Variants in GPR107 observed in about 807,000 individuals in gnomAD.
The protein encoded by GPR107 is G protein-coupled receptor 107.
Under a neutral mutation model 75.5 loss-of-function variants are expected in GPR107, and 31 were observed. The observed-to-expected ratio is 0.41, with a 90% CI of 0.31 to 0.55. The LOEUF (loss-of-function observed/expected upper bound fraction) is 0.55, where lower values mean the gene tolerates loss of function less well. Ranked by LOEUF, GPR107 falls within the 20% of genes least tolerant of loss-of-function variation. The pLI is 0.26. For synonymous variants in GPR107, 267 were observed against 251.3 expected, an observed-to-expected ratio of 1.06 and a Z score of -0.59; for missense variants, 572 against 665.7, an observed-to-expected ratio of 0.86 and a Z score of 1.55.
At chr9:130,062,651 TG>T (rs1564657637) in intron 1 of GPR107, among the ~76,000 whole-genome samples, 356 of 81,042 alleles carry the variant, frequency 4.4e-3, no homozygotes, top group Non-Finnish European at 6.8e-3. Flanking sequence ...CCTGCCTGCC[TG>T]CCTGCCTGCC....
rs1554899878 is a variant in GPR107 at position 130,135,722 on chromosome 9, G to A, written c.*601G>A. On this transcript the variant is annotated 3_prime_UTR_variant, in exon 18 of 18. Coordinates refer to ENST00000347136, the MANE Select transcript of GPR107 (RefSeq NM_020960.5). ...GCCCCAGACCCTTATTCCAGATGCT[G>A]AGAGTGACCAGGACAGCAGCTCCTG... 6.6e-6 allele frequency: 1 copy of A among 152,540 alleles called. No homozygotes were observed. The highest frequency in any genetic ancestry group is 1.9e-4 in the East Asian group (1 of 5,200). 9.4% of individuals were successfully genotyped at this position (152,540 alleles called of 1,614,324 possible). A position where few individuals can be genotyped will look rare whatever the true frequency, so the allele number is the denominator to read the frequency against.
At chr9:130,081,510 A>G (rs963631602) in intron 5 of GPR107, among the ~76,000 whole-genome samples, 6 of 151,812 alleles carry the variant, frequency 4.0e-5, no homozygotes, top group Admixed American at 3.9e-4. Context: ...CGTCTCTACT[A>G]AAAATACAAA....
At chr9:130,117,143 T>C (rs1010146693) in intron 14 of GPR107, among the ~76,000 whole-genome samples, 2 of 151,974 alleles carry the variant, frequency 1.3e-5, no homozygotes, top group African/African-American at 4.8e-5. Flanking sequence ...GATGAGGTTT[T>C]ACCATGTTGG....
chr9:130,076,333 C>T, intron 2 of GPR107, 79 bp from the exon 3 acceptor site: 1 of 874,768 alleles, frequency 1.1e-6, no homozygotes, highest in East Asian at 2.4e-5. Flanking sequence ...TTAGAAGTAC[C>T]ACTTTTTCTG....
chr9:130,101,027 T>C (rs1029271818), intron 11 of GPR107, 79 bp from the exon 12 acceptor site: 2 of 848,718 alleles, frequency 2.4e-6, no homozygotes, highest in African/African-American at 1.7e-5. Flanking sequence ...TGTGAACTCA[T>C]AGAATGAGCT....
chr9:130,084,047 C>CGTATAT (rs1830553934), intron 6 of GPR107, among the ~76,000 whole-genome samples: 1 of 130,908 alleles, frequency 7.6e-6, no homozygotes, highest in African/African-American at 2.8e-5. Context: ...AGAGAGCTAA[C>CGTATAT]ATATATATAT....
chr9:130,128,505 G>A (rs1164181435), intron 16 of GPR107, 135 bp from the exon 17 acceptor site: 1 of 753,012 alleles, frequency 1.3e-6, no homozygotes, highest in African/African-American at 1.7e-5. Context: ...ATGCCCTGTA[G>A]CAGGAAGTGG....
chr9:130,075,241 CTTTTTT>C (rs149248581), intron 1 of GPR107, among the ~76,000 whole-genome samples: 3 of 76,732 alleles, frequency 3.9e-5, no homozygotes, highest in African/African-American at 9.3e-5. Context: ...TTTCTTTTAC[CTTTTTT>C]TTTTTTTTTT....
chr9:130,128,716 A>AAG lies in GPR107; in HGVS notation c.1517_1518insAG (p.Tyr506Ter). ...TTCCGTCCGGCTTCAGATAACCCCT[A>AAG]CCTACAACTTTCTCAGGAAGAAGAA... Reference protein sequence around the residue: ...YKFRPASDNPYLQLSQEEEDL... With the variant: ...YKFRPASDNP The change falls in exon 17 of 18, where the codon TAC (tyrosine) becomes TAAGC (stop). Residue 506 changes from tyrosine to a stop codon, truncating the protein, a stop_gained and frameshift_variant. Transcript: ENST00000347136. LOFTEE classifies it high-confidence loss of function. The AAG allele has an allele frequency of 6.2e-7, 1 of 1,611,956 alleles. No individual in the cohort carries two copies. The highest frequency in any genetic ancestry group is 1.7e-5 in the Admixed American group (1 of 60,022).
At chr9:130,104,033 C>T (rs541072389) in intron 12 of GPR107, among the ~76,000 whole-genome samples, 4 of 152,224 alleles carry the variant, frequency 2.6e-5, no homozygotes, top group East Asian at 3.9e-4. Context: ...CTGGGACAGC[C>T]GGGGCTCCTG....
chr9:130,100,850 G>C (rs1351483150), intron 11 of GPR107, 148 bp downstream of exon 11: 2 of 673,212 alleles, frequency 3.0e-6, no homozygotes, highest in Non-Finnish European at 5.3e-6. Context: ...TAGCTCATGG[G>C]TGGCTGTCCA....
rs569546808 is a variant in GPR107, at chr9:130,096,352, T to G, written c.864-3105T>G. On this transcript the variant is annotated intron_variant, in intron 9 of 17. Coordinates refer to ENST00000347136, the MANE Select transcript of GPR107 (RefSeq NM_020960.5). ...ATCCCTTTGTGGTACACTCTCATTC[T>G]CACTTGGTGCCAGGCCCCTCTCCTG... Among the ~76,000 whole-genome samples, 12 of 152,148 alleles carry G rather than the reference T, an allele frequency of 7.9e-5. 1 individual carries two copies. The South Asian group carries it at 2.5e-3, about 32-fold the overall frequency.
Position 130,099,921 on chromosome 9 carries a change from G to A in GPR107, c.939+389G>A, listed in dbSNP as rs186960130. On this transcript the variant is annotated intron_variant, in intron 10 of 17. Transcript: ENST00000347136. ...TTTTTTTTTTTTTTTTTGAGACGGG[G>A]CCTCGCTCTGTTGCCCAGGCTGGAG... is the stretch of plus-strand genomic sequence containing the variant. 4.7e-4 allele frequency among the ~76,000 whole-genome samples: 51 copies of A among 108,328 alleles called. No individual in the cohort carries two copies. In the East Asian group the frequency reaches 0.015, roughly 31 times the overall value. 71.1% of individuals were successfully genotyped at this position (108,328 alleles called of 152,430 possible). A position where few individuals can be genotyped will look rare whatever the true frequency, so the allele number is the denominator to read the frequency against.
intron 17 of GPR107, chr9:130,129,164 C>G (rs1285762783): frequency 5.9e-6 from 1 of 170,504 alleles, no homozygotes; most frequent in Non-Finnish European, 1.3e-5. Context: ...TAATGATCCT[C>G]AGACATCCTC....
At position 130,139,717 on chromosome 9, in the gene GPR107, T is replaced by A. The variant is rs1301461270; in HGVS notation, c.*4596T>A. 6.6e-6 allele frequency: 1 copy of A among 152,260 alleles called. No individual in the cohort carries two copies. Among genetic ancestry groups the A allele is most frequent in the Admixed American group, 6.5e-5 (1 of 15,276 alleles). 9.4% of individuals were successfully genotyped at this position (152,260 alleles called of 1,614,324 possible). A position where few individuals can be genotyped will look rare whatever the true frequency, so the allele number is the denominator to read the frequency against. ...ACAGCCAACTCACCCACAGGACAGCTTATTTTGAGGCAAGGTTTTGGATTT... is the reference window on the plus strand; with the variant it reads ...ACAGCCAACTCACCCACAGGACAGCATATTTTGAGGCAAGGTTTTGGATTT... On this transcript the variant is annotated 3_prime_UTR_variant, in exon 18 of 18. Transcript: ENST00000347136.
chr9:130,092,326 G>A lies in GPR107; in HGVS notation c.808G>A (p.Ala270Thr), dbSNP rs1225204403. The A allele has an allele frequency of 1.2e-6, 2 of 1,609,594 alleles. No homozygotes were observed. The highest frequency in any genetic ancestry group is 1.7e-6 in the Non-Finnish European group (2 of 1,175,882). Residue 270 changes from alanine (A) to threonine (T), a missense_variant, in exon 9 of 18, where the codon GCC becomes ACC. By Grantham distance (58) the Ala-to-Thr change is moderately conservative (BLOSUM62 0). Coordinates refer to ENST00000347136, the MANE Select transcript of GPR107 (RefSeq NM_020960.5). Reference protein sequence around the residue: ...IPLPKLYISMAFFFFLSGTIW... With the variant: ...IPLPKLYISMTFFFFLSGTIW... ...TCTCCCCAAATTATACATCTCAATG[G>A]CCTTTTTCTTCTTTCTTTCTGGGAC...
chr9:130,088,205 A>G (rs1830658727), intron 7 of GPR107, among the ~76,000 whole-genome samples: 1 of 151,832 alleles, frequency 6.6e-6, no homozygotes, highest in Non-Finnish European at 1.5e-5. Flanking sequence ...TGTCTCTCTG[A>G]TCTCAGCTCC....
chr9:130,094,497 C>G (rs560389861), intron 9 of GPR107, among the ~76,000 whole-genome samples: 1 of 152,104 alleles, frequency 6.6e-6, no homozygotes, highest in African/African-American at 2.4e-5. Context: ...TGCTTGAGCC[C>G]AAGGGTTCGA....
intron 14 of GPR107, among the ~76,000 whole-genome samples, chr9:130,122,689 G>A (rs1831576204): frequency 6.6e-6 from 1 of 152,160 alleles, no homozygotes; most frequent in African/African-American, 2.4e-5. Context: ...CCAGGGCCTG[G>A]CTCAGAGTTG....
Sources: allele counts gnomAD v4.1 joint callset (sites outside exome capture counted in the v4.1 genomes callset), GRCh38; gene constraint gnomAD v4.1.1; transcripts MANE v1.5; gene names NCBI Gene and HGNC (gene_info 2026-07-23, HGNC 2026-07-21).